UQCRC1: variants seen among roughly 807,000 people sequenced by gnomAD.
UQCRC1 encodes cytochrome b-c1 complex subunit 1, mitochondrial.
In UQCRC1, 34 loss-of-function variants were observed where a neutral mutation model predicts 58.0. That is an observed-to-expected ratio of 0.59 (90% CI 0.45 to 0.78). The LOEUF is 0.78. Ranked by LOEUF, UQCRC1 falls within the 30% of genes least tolerant of loss-of-function variation. The pLI is 0.00. For missense variants in UQCRC1, 610 were observed against 646.0 expected (o/e 0.94, Z 0.60); for synonymous variants, 276 against 248.8 (o/e 1.11, Z -1.03).
chr3:48,600,772 G>A lies in UQCRC1; in HGVS notation c.1035C>T (p.Ser345=). The stretch of plus-strand genomic sequence containing the variant: ...GCAAGCCCGTCTCTGCATAGCAGAT[G>A]CTGAAGGTCTGGAAACTCTGGCATA... ...NKLCQSFQTF[S]ICYAETGLLG... Residue 345 remains serine (S), a synonymous_variant, in exon 9 of 13, where the codon AGC becomes AGT. Transcript: ENST00000203407. The A allele has an allele frequency of 1.2e-6, 2 of 1,614,154 alleles. No individual in the cohort carries two copies. Among genetic ancestry groups the A allele is most frequent in the Non-Finnish European group, 1.7e-6 (2 of 1,180,042 alleles).
chr3:48,599,755 C>T (rs2046344921), intron 11 of UQCRC1, 45 bp from the exon 12 acceptor site: 1 of 1,589,700 alleles, frequency 6.3e-7, no homozygotes, highest in Non-Finnish European at 8.6e-7. Flanking sequence ...GGCACCTGGC[C>T]ACCACCTCAG....
In UQCRC1 at chr3:48,600,960, C is replaced by A; in HGVS notation, c.966+15G>T. On this transcript the variant is annotated intron_variant, in intron 8 of 12. Transcript: ENST00000203407. ...TTCCCTGAAGGCGAGGTCCCATGCT[C>A]GCGCTGGCACTCACCACGCCACCAC... 6.2e-7 allele frequency: 1 copy of A among 1,600,414 alleles called. No individual in the cohort carries two copies. The highest frequency in any genetic ancestry group is 1.1e-5 in the South Asian group (1 of 90,166).
intron 12 of UQCRC1, 98 bp from the exon 13 acceptor site, chr3:48,599,290 GCA>G: frequency 1.5e-6 from 2 of 1,321,764 alleles, no homozygotes; most frequent in Non-Finnish European, 2.1e-6. Context: ...GCCCAGAGCA[GCA>G]CAAGACAGGC....
intron 5 of UQCRC1, 118 bp downstream of exon 5, chr3:48,604,114 CA>C: frequency 2.8e-6 from 3 of 1,069,516 alleles, no homozygotes; most frequent in Non-Finnish European, 4.1e-6. Flanking sequence ...AAACTGTCTC[CA>C]GTTGCATAAC....
Position 48,609,634 on chromosome 3 carries a change from T to G in UQCRC1, c.-14A>C, listed in dbSNP as rs1559458613. ...GGACGCCGCCATCTTCCAGCTGCAG[T>G]CGGCCCTGTTGCGCCGCGCAAGCGT... On this transcript the variant is annotated 5_prime_UTR_variant, in exon 1 of 13. Coordinates refer to ENST00000203407, the MANE Select transcript of UQCRC1 (RefSeq NM_003365.3). 6 of 1,553,902 alleles carry G rather than the reference T, an allele frequency of 3.9e-6. No individual in the cohort carries two copies. The highest frequency in any genetic ancestry group is 1.9e-5 in the Admixed American group (1 of 53,824).
At position 48,599,744 on chromosome 3, in the gene UQCRC1, G is replaced by A. The variant is rs757216913; in HGVS notation, c.1303-34C>T. On this transcript the variant is annotated intron_variant, in intron 11 of 12. Transcript: ENST00000203407. ...TGAGGCAGAGGGCATACTGGCTAAC[G>A]GGCACCTGGCCACCACCTCAGCCAG... 45 of 1,607,248 alleles carry A rather than the reference G, an allele frequency of 2.8e-5. No individual in the cohort carries two copies. The East Asian group carries it at 3.3e-4, about 12-fold the overall frequency.
rs760882102 is a variant in UQCRC1, at chr3:48,600,064, G to A, written c.1301C>T (p.Ala434Val). 31 of 1,613,970 alleles carry A rather than the reference G, an allele frequency of 1.9e-5. No homozygotes were observed. The highest frequency in any genetic ancestry group is 1.2e-4 in the South Asian group (11 of 91,084). The change falls in exon 11 of 13, where the codon GCG becomes GTG. Residue 434 changes from alanine to valine, a missense_variant and splice_region_variant. Transcript: ENST00000203407. The part of the protein sequence containing the change: ...IPLAEWESRI[A>V]EVDASVVREI... ...ACCTCTCCCAGGGGTCCATGTTACCGCAATCCGGCTTTCCCATTCAGCCAG... is the reference window on the plus strand; with the variant it reads ...ACCTCTCCCAGGGGTCCATGTTACCACAATCCGGCTTTCCCATTCAGCCAG...
intron 2 of UQCRC1, among the ~76,000 whole-genome samples, chr3:48,608,615 G>A (rs905442611): frequency 6.6e-6 from 1 of 152,234 alleles, no homozygotes; most frequent in Non-Finnish European, 1.5e-5. Context: ...GCTGAAAGGA[G>A]GAGGAGATAA....
At chr3:48,599,611 G>T in intron 12 of UQCRC1, 24 bp downstream of exon 12, 9 of 1,612,892 alleles carry the variant, frequency 5.6e-6, no homozygotes, top group Non-Finnish European at 7.6e-6. Context: ...AATAAACAAA[G>T]AGCAGACCCC....
At chr3:48,601,185 G>A in intron 7 of UQCRC1, 67 bp from the exon 8 acceptor site, 3 of 1,559,420 alleles carry the variant, frequency 1.9e-6, no homozygotes, top group East Asian at 4.6e-5. Flanking sequence ...GGTGGCAGGT[G>A]TGGGTAGAGG....
chr3:48,600,569 T>C lies in UQCRC1; in HGVS notation c.1128-2A>G. ...GTGGCACTGGTACACAGGCGCATCC[T>C]AAAGTGGGGGGGTGGGTGGTATTCA... On this transcript the variant is annotated splice_acceptor_variant, in intron 9 of 12. Transcript: ENST00000203407. LOFTEE classifies it high-confidence loss of function. 6.2e-7 allele frequency: 1 copy of C among 1,614,128 alleles called. No individual in the cohort carries two copies. The highest frequency in any genetic ancestry group is 1.6e-4 in the Middle Eastern group (1 of 6,062).
intron 2 of UQCRC1, among the ~76,000 whole-genome samples, chr3:48,607,488 A>G (rs2046425053): frequency 6.6e-6 from 1 of 150,804 alleles, no homozygotes; most frequent in African/African-American, 2.4e-5. Flanking sequence ...ACTTTTTTTT[A>G]TTGTATAAAT....
chr3:48,600,432 G>T, intron 10 of UQCRC1, 50 bp downstream of exon 10: 5 of 1,606,300 alleles, frequency 3.1e-6, no homozygotes, highest in Non-Finnish European at 4.3e-6. Context: ...CCTTGGTGCT[G>T]TCGCTGGCAA....
chr3:48,605,976 G>A lies in UQCRC1; in HGVS notation c.211-120C>T, dbSNP rs541974814. The A allele has an allele frequency of 1.4e-4, 134 of 940,544 alleles. No homozygotes were observed. The African/African-American group carries it at 1.9e-3, about 14-fold the overall frequency. The allele number at this position is 940,544 out of a possible 1,614,324, so 58.3% of individuals were successfully genotyped here. ...GGGACTTATGAATCCTGGAGTCAGG[G>A]AGAGCTGCCCCAGCAGGACCCCTGT... On this transcript the variant is annotated intron_variant, in intron 2 of 12. Coordinates refer to ENST00000203407, the MANE Select transcript of UQCRC1 (RefSeq NM_003365.3).
At chr3:48,609,034 G>T in intron 2 of UQCRC1, 128 bp downstream of exon 2, 1 of 1,295,366 alleles carries the variant, frequency 7.7e-7, no homozygotes, top group Non-Finnish European at 1.1e-6. Context: ...CCATTCTCGG[G>T]GTGAGTGGTC....
intron 4 of UQCRC1, 100 bp downstream of exon 4, chr3:48,604,551 T>C: frequency 6.3e-7 from 1 of 1,591,594 alleles, no homozygotes; most frequent in Non-Finnish European, 8.6e-7. Context: ...TGCAAAGCCA[T>C]ACGCTAAGGG....
At chr3:48,601,640 T>A (rs2046367384) in intron 6 of UQCRC1, among the ~76,000 whole-genome samples, 173 bp from the exon 7 acceptor site, 1 of 152,198 alleles carries the variant, frequency 6.6e-6, no homozygotes, top group Admixed American at 6.5e-5. Flanking sequence ...CCCTGCCTTG[T>A]GGACAGGACA....
intron 2 of UQCRC1, 122 bp from the exon 3 acceptor site, chr3:48,605,978 G>C: frequency 1.1e-6 from 1 of 924,016 alleles, no homozygotes; most frequent in South Asian, 1.8e-5. Context: ...GAGTCAGGGA[G>C]AGCTGCCCCA....
At chr3:48,600,222 C>T in intron 10 of UQCRC1, 71 bp from the exon 11 acceptor site, 1 of 1,549,080 alleles carries the variant, frequency 6.5e-7, no homozygotes, top group Non-Finnish European at 8.9e-7. Flanking sequence ...CAAACAATCT[C>T]CAGCCTCAGG....
Sources: allele counts gnomAD v4.1 joint callset (sites outside exome capture counted in the v4.1 genomes callset), GRCh38; gene constraint gnomAD v4.1.1; transcripts MANE v1.5; gene names NCBI Gene and HGNC (gene_info 2026-07-23, HGNC 2026-07-21).